Variants in PTCHD1 observed in about 807,000 individuals in gnomAD.
PTCHD1 encodes the protein patched domain-containing protein 1.
A neutral mutation model predicts 34.6 loss-of-function variants in PTCHD1; 3 were observed. The ratio of observed to expected loss-of-function variants is 0.09; its 90% CI spans 0.04 to 0.22. The LOEUF is 0.22. PTCHD1 is among the 10% of genes least tolerant of loss of function. The probability of loss-of-function intolerance (pLI) is 1.00; values close to 1 mark genes in which losing one functional copy is unlikely to be tolerated. For synonymous variants in PTCHD1, 305 were observed against 283.1 expected (o/e 1.08, Z -0.77); for missense variants, 504 against 685.5 (o/e 0.74, Z 2.96).
chrX:23,340,666 C>T (rs1188845737), intron 1 of PTCHD1, among the ~76,000 whole-genome samples: 1 of 112,099 alleles, frequency 8.9e-6, no homozygotes, highest in South Asian at 3.7e-4. Flanking sequence ...CAAAGAAACA[C>T]GGAATCAAAG....
intron 1 of PTCHD1, chrX:23,351,240 A>G: frequency 1.3e-6 from 1 of 754,781 alleles, no homozygotes; most frequent in Non-Finnish European, 2.1e-6. Context: ...AGACTCCTGT[A>G]GGTAATGCTG....
rs932716979 is a variant in PTCHD1 at position 23,399,904 on chromosome X, A to G, written c.*5719A>G. ...ACACACATACACACATAAAGGCAGCAGCCAACAAAGCCAACATATAGAAGT... is the reference window on the plus strand; with the variant it reads ...ACACACATACACACATAAAGGCAGCGGCCAACAAAGCCAACATATAGAAGT... On this transcript the variant is annotated 3_prime_UTR_variant, in exon 3 of 3. Coordinates refer to ENST00000379361, the MANE Select transcript of PTCHD1 (RefSeq NM_173495.3). The G allele has an allele frequency of 2.7e-5, 3 of 111,634 alleles. No individual in the cohort carries two copies. The Admixed American group carries it at 2.9e-4, about 11-fold the overall frequency. 9.2% of individuals were successfully genotyped at this position (111,634 alleles called of 1,213,427 possible). A position where few individuals can be genotyped will look rare whatever the true frequency, so the allele number is the denominator to read the frequency against.
At chrX:23,387,492 C>G (rs910018823) in intron 2 of PTCHD1, among the ~76,000 whole-genome samples, 2 of 112,197 alleles carry the variant, frequency 1.8e-5, no homozygotes, top group Non-Finnish European at 3.8e-5. Context: ...TATAAAAATT[C>G]TTTTGAGAAT....
intron 1 of PTCHD1, among the ~76,000 whole-genome samples, chrX:23,362,929 G>A (rs891069925): frequency 8.9e-6 from 1 of 112,430 alleles, no homozygotes; most frequent in African/African-American, 3.2e-5. Flanking sequence ...GTCCACTCCA[G>A]ACCCTGTTTG....
Position 23,395,679 on chromosome X carries a change from C to A in PTCHD1, c.*1494C>A, listed in dbSNP as rs949629592. On this transcript the variant is annotated 3_prime_UTR_variant, in exon 3 of 3. Coordinates refer to ENST00000379361, the MANE Select transcript of PTCHD1 (RefSeq NM_173495.3). Reference sequence around the variant, plus strand: ...AAAGGCTGTATACGTTGCCCAGGCCCCTGCATTTCTTTAAATTTATAAAAA... The same window carrying A: ...AAAGGCTGTATACGTTGCCCAGGCCACTGCATTTCTTTAAATTTATAAAAA... 1 of 111,795 alleles carries A rather than the reference C, an allele frequency of 8.9e-6. No individual in the cohort carries two copies. Among genetic ancestry groups the A allele is most frequent in the African/African-American group, 3.3e-5 (1 of 30,675 alleles). The allele number at this position is 111,795 out of a possible 1,213,427, so 9.2% of individuals were successfully genotyped here.
At chrX:23,378,615 G>C (rs1317810711) in intron 1 of PTCHD1, among the ~76,000 whole-genome samples, 1 of 111,979 alleles carries the variant, frequency 8.9e-6, no homozygotes, top group African/African-American at 3.3e-5. Flanking sequence ...GTATAGCCCA[G>C]CTCTGCCTCT....
intron 1 of PTCHD1, among the ~76,000 whole-genome samples, chrX:23,363,344 C>A (rs1367495181): frequency 8.9e-6 from 1 of 112,701 alleles, no homozygotes; most frequent in African/African-American, 3.2e-5. Context: ...TTTACCTGCT[C>A]AAGCCTCAGC....
rs1254605131 is a variant in PTCHD1, at chrX:23,394,450, A to ACACACACACC, written c.*266_*267insACACACACCC. Reference sequence around the variant, plus strand: ...CACACACACACACACACACACACACACCCTGGGAGACCTATAGTCTCTTAA... The same window carrying ACACACACACC: ...CACACACACACACACACACACACACACACACACACCCCCTGGGAGACCTATAGTCTCTTAA... On this transcript the variant is annotated 3_prime_UTR_variant, in exon 3 of 3. Coordinates refer to ENST00000379361, the MANE Select transcript of PTCHD1 (RefSeq NM_173495.3). The ACACACACACC allele has an allele frequency of 2.1e-5, 6 of 291,845 alleles. No homozygotes were observed. Among genetic ancestry groups the ACACACACACC allele is most frequent in the African/African-American group, 8.5e-5 (3 of 35,294 alleles). The allele number at this position is 291,845 out of a possible 1,213,427, so 24.1% of individuals were successfully genotyped here.
At chrX:23,360,447 T>C (rs755774779) in intron 1 of PTCHD1, among the ~76,000 whole-genome samples, 22 of 112,440 alleles carry the variant, frequency 2.0e-4, no homozygotes, top group Admixed American at 7.5e-4. Flanking sequence ...GAGATGTTTA[T>C]AGTATTCTCT....
intron 2 of PTCHD1, among the ~76,000 whole-genome samples, chrX:23,384,206 G>A (rs750789102): frequency 6.2e-5 from 7 of 112,202 alleles, no homozygotes; most frequent in Non-Finnish European, 9.4e-5. Context: ...GAAAGAGTTC[G>A]GATATTAGTT....
chrX:23,390,441 G>A lies in PTCHD1; in HGVS notation c.1013-2090G>A, dbSNP rs1157473594. 2.7e-5 allele frequency among the ~76,000 whole-genome samples: 3 copies of A among 110,755 alleles called. No homozygotes were observed. The East Asian group carries it at 8.4e-4, about 31-fold the overall frequency. ...AGAATGGTTACTTAATTAAAGGTCA[G>A]TGGGTCCATCTTGAAAATATACTAG... On this transcript the variant is annotated intron_variant, in intron 2 of 2. Transcript: ENST00000379361.
intron 1 of PTCHD1, 95 bp from the exon 2 acceptor site, chrX:23,379,496 G>C: frequency 1.1e-6 from 1 of 898,064 alleles, no homozygotes; most frequent in South Asian, 2.3e-5. Context: ...CATTTGATTT[G>C]AACTGTTTAG....
At chrX:23,379,555 T>C in intron 1 of PTCHD1, 36 bp from the exon 2 acceptor site, 2 of 1,195,527 alleles carry the variant, frequency 1.7e-6, no homozygotes, top group Non-Finnish European at 2.3e-6. Context: ...ATAGAAATAT[T>C]TGATTAATAA....
rs73471316 is a variant in PTCHD1 at position 23,400,868 on chromosome X, T to G, written c.*6683T>G. 14,549 of 110,805 alleles carry G rather than the reference T, an allele frequency of 0.13. 697 individuals are homozygous for G. Among genetic ancestry groups the G allele is most frequent in the Middle Eastern group, 0.2 (42 of 212 alleles). 9.1% of individuals were successfully genotyped at this position (110,805 alleles called of 1,213,427 possible). A position where few individuals can be genotyped will look rare whatever the true frequency, so the allele number is the denominator to read the frequency against. ...GTCTTTTTTGTTTGTTTGTTTGTTT[T>G]TTTTTGAGATGGAGTCTCACTCTGT... On this transcript the variant is annotated 3_prime_UTR_variant, in exon 3 of 3. Coordinates refer to ENST00000379361, the MANE Select transcript of PTCHD1 (RefSeq NM_173495.3).
chrX:23,383,449 A>G (rs952419028), intron 2 of PTCHD1, among the ~76,000 whole-genome samples: 1 of 111,858 alleles, frequency 8.9e-6, no homozygotes, highest in Non-Finnish European at 1.9e-5. Context: ...TTAAGATCAC[A>G]TGTGTCAAGC....
chrX:23,367,918 G>A (rs925245168), intron 1 of PTCHD1, among the ~76,000 whole-genome samples: 1 of 110,909 alleles, frequency 9.0e-6, no homozygotes, highest in Non-Finnish European at 1.9e-5. Flanking sequence ...ATACAACCTA[G>A]TTTGCCTGTG....
At chrX:23,371,736 C>T (rs896133584) in intron 1 of PTCHD1, among the ~76,000 whole-genome samples, 2 of 110,994 alleles carry the variant, frequency 1.8e-5, no homozygotes, top group South Asian at 3.9e-4. Flanking sequence ...ATTGTCAAGT[C>T]GGGAAGGATT....
At chrX:23,382,130 G>A (rs1922581077) in intron 2 of PTCHD1, among the ~76,000 whole-genome samples, 1 of 111,543 alleles carries the variant, frequency 9.0e-6, no homozygotes, top group South Asian at 3.8e-4. Flanking sequence ...AAAGGACGCC[G>A]GAGCTAGAAA....
chrX:23,358,491 G>T (rs62584512), intron 1 of PTCHD1, among the ~76,000 whole-genome samples: 1 of 111,488 alleles, frequency 9.0e-6, no homozygotes, highest in East Asian at 2.8e-4. Context: ...TTTTGATGGG[G>T]TTGTTTGTTT....
Sources: gnomAD v4.1 joint callset for allele counts (sites outside exome capture counted in the v4.1 genomes callset) on GRCh38, gnomAD v4.1.1 for gene constraint, MANE v1.5 for transcripts, NCBI Gene and HGNC (gene_info 2026-07-23, HGNC 2026-07-21) for gene names.